TENM1: variants seen among roughly 807,000 people sequenced by gnomAD.
The protein encoded by TENM1 is teneurin transmembrane protein 1, also known as teneurin-1.
A neutral mutation model predicts 174.8 loss-of-function variants in TENM1; 35 were observed. The ratio of observed to expected loss-of-function variants is 0.20; its 90% CI spans 0.15 to 0.27. The LOEUF is 0.27. TENM1 is among the 10% of genes least tolerant of loss of function. The pLI is 1.00. For missense variants in TENM1, 1,633 were observed against 2,130.1 expected (o/e 0.77, Z 4.59); for synonymous variants, 781 against 798.7 (o/e 0.98, Z 0.37).
the TENM1 span, among the ~76,000 whole-genome samples, chrX:125,044,546 C>T: frequency 9.0e-6 from 1 of 111,048 alleles, no homozygotes; most frequent in Admixed American, 9.6e-5. Flanking sequence ...GCTACGATCA[C>T]ATCACTGCAC....
intron 22 of TENM1, among the ~76,000 whole-genome samples, chrX:124,478,605 T>C (rs2147929123): frequency 8.9e-6 from 1 of 112,476 alleles, no homozygotes; most frequent in African/African-American, 3.2e-5. Context: ...TTGCAATATG[T>C]TGCTTGTTAA....
At chrX:124,434,083 G>C (rs1414720987) in intron 23 of TENM1, among the ~76,000 whole-genome samples, 1 of 111,766 alleles carries the variant, frequency 8.9e-6, no homozygotes, top group Admixed American at 9.5e-5. Flanking sequence ...TTTATCATGT[G>C]TGTACAGTGG....
chrX:124,737,465 C>T (rs775084977), intron 3 of TENM1, among the ~76,000 whole-genome samples: 1 of 112,110 alleles, frequency 8.9e-6, no homozygotes, highest in Non-Finnish European at 1.9e-5. Context: ...GGCCGCCTCA[C>T]ACCATTTGTC....
At chrX:124,569,255 T>C (rs1322873671) in intron 11 of TENM1, among the ~76,000 whole-genome samples, 1 of 110,414 alleles carries the variant, frequency 9.1e-6, no homozygotes, top group Admixed American at 9.7e-5. Flanking sequence ...GCCAAATAAA[T>C]GAAGCAAAAT....
chrX:124,621,912 T>G (rs1286344779), intron 11 of TENM1, among the ~76,000 whole-genome samples: 2 of 112,447 alleles, frequency 1.8e-5, no homozygotes, highest in Non-Finnish European at 3.8e-5. Context: ...GAGCATAGTC[T>G]GAATAAACAA....
chrX:124,387,027 ATTAAT>A (rs1303338204), intron 28 of TENM1, among the ~76,000 whole-genome samples: 2 of 107,116 alleles, frequency 1.9e-5, no homozygotes. Flanking sequence ...CATTTCACAA[ATTAAT>A]TTATAGTTAT....
At chrX:124,419,016 G>C (rs1479950936) in intron 25 of TENM1, among the ~76,000 whole-genome samples, 1 of 111,629 alleles carries the variant, frequency 9.0e-6, no homozygotes, top group East Asian at 2.8e-4. Context: ...TTATTATGGG[G>C]ATCAAATAAA....
At chrX:125,192,080 T>C in the TENM1 span, among the ~76,000 whole-genome samples, 1 of 111,522 alleles carries the variant, frequency 9.0e-6, no homozygotes, top group Admixed American at 9.5e-5. Context: ...TGCCTTAATC[T>C]TGGACTTCCC....
chrX:125,144,996 C>T, the TENM1 span, among the ~76,000 whole-genome samples: 3 of 110,623 alleles, frequency 2.7e-5, no homozygotes, highest in South Asian at 1.2e-3. Context: ...TATCTGCCCA[C>T]CTCAGCCTCC....
the TENM1 span, among the ~76,000 whole-genome samples, chrX:125,194,435 A>G: frequency 1.8e-5 from 2 of 111,206 alleles, no homozygotes; most frequent in African/African-American, 3.3e-5. Flanking sequence ...TCTCACTGCT[A>G]CTATACTCCT....
chrX:124,685,593 C>G (rs1175646567), intron 5 of TENM1, among the ~76,000 whole-genome samples: 1 of 100,113 alleles, frequency 1.0e-5, no homozygotes, highest in South Asian at 4.4e-4. Flanking sequence ...GAGTTTTGCT[C>G]TTGTTGCCCA....
the TENM1 span, among the ~76,000 whole-genome samples, chrX:125,117,365 G>A: frequency 3.6e-5 from 4 of 112,262 alleles, no homozygotes; most frequent in Non-Finnish European, 7.5e-5. Flanking sequence ...GGAATACTAT[G>A]CAGCCATAAA....
the TENM1 span, among the ~76,000 whole-genome samples, chrX:125,113,607 G>A: frequency 9.0e-6 from 1 of 110,980 alleles, no homozygotes; most frequent in African/African-American, 3.3e-5. Flanking sequence ...AGCAGGGGTT[G>A]CAATCCTAGT....
intron 3 of TENM1, among the ~76,000 whole-genome samples, chrX:124,891,041 A>C (rs1447833021): frequency 1.8e-5 from 2 of 111,800 alleles, no homozygotes; most frequent in Non-Finnish European, 3.8e-5. Flanking sequence ...GAAATAAGTC[A>C]GGCACAGAAA....
At chrX:125,076,304 C>T in the TENM1 span, among the ~76,000 whole-genome samples, 1 of 111,356 alleles carries the variant, frequency 9.0e-6, no homozygotes, top group Non-Finnish European at 1.9e-5. Flanking sequence ...CTTGAATTTG[C>T]TCTGTAGATA....
At chrX:124,993,523 G>C in the TENM1 span, among the ~76,000 whole-genome samples, 1 of 110,165 alleles carries the variant, frequency 9.1e-6, no homozygotes, top group Non-Finnish European at 1.9e-5. Context: ...AGCTTTAGAA[G>C]TACATTATAA....
chrX:124,895,432 A>G (rs1476357400), intron 2 of TENM1, among the ~76,000 whole-genome samples: 1 of 112,138 alleles, frequency 8.9e-6, no homozygotes, highest in Non-Finnish European at 1.9e-5. Flanking sequence ...TGACATAATG[A>G]TACTGCTGCT....
chrX:125,027,509 T>C, the TENM1 span, among the ~76,000 whole-genome samples: 1 of 111,733 alleles, frequency 8.9e-6, no homozygotes, highest in Non-Finnish European at 1.9e-5. Flanking sequence ...TTTGATGCAA[T>C]GCCAAAGGCA....
At chrX:124,453,019 T>A (rs983418379) in intron 23 of TENM1, among the ~76,000 whole-genome samples, 13 of 111,133 alleles carry the variant, frequency 1.2e-4, no homozygotes, top group East Asian at 2.8e-4. Flanking sequence ...ATAAAAAAAA[T>A]AATAATAGAA....
Sources: allele counts gnomAD v4.1 joint callset (sites outside exome capture counted in the v4.1 genomes callset), GRCh38; gene constraint gnomAD v4.1.1; transcripts MANE v1.5; gene names NCBI Gene and HGNC (gene_info 2026-07-23, HGNC 2026-07-21).